The following KIR2DL3 variants were observed in gnomAD, a reference collection of about 807,000 sequenced individuals.
KIR2DL3 encodes killer cell immunoglobulin-like receptor 2DL3.
Under a neutral mutation model 33.8 loss-of-function variants are expected in KIR2DL3, and 39 were observed. That is an observed-to-expected ratio of 1.15 (90% CI 0.89 to 1.51). KIR2DL3 has a LOEUF of 1.51. Among genes scored for constraint, KIR2DL3 ranks in the 40% most tolerant of loss-of-function variants. The probability of loss-of-function intolerance (pLI) is 0.00; values close to 1 mark genes in which losing one functional copy is unlikely to be tolerated. For synonymous variants in KIR2DL3, 174 were observed against 160.2 expected (o/e 1.09, Z -0.65); for missense variants, 462 against 426.2 (o/e 1.08, Z -0.74).
Position 54,752,590 on chromosome 19 carries a change from C to T in KIR2DL3, c.*71C>T. 2.1e-6 allele frequency: 3 copies of T among 1,448,082 alleles called. No individual in the cohort carries two copies. 89.7% of individuals were successfully genotyped at this position (1,448,082 alleles called of 1,614,324 possible). On this transcript the variant is annotated 3_prime_UTR_variant, in exon 8 of 8. Transcript: ENST00000342376. The stretch of plus-strand genomic sequence containing the variant: ...GGGATCTTCTAGGGAGACAACAGCC[C>T]TGTCTCAAAACTGGGTTGCCAGCTC...
At chr19:54,741,526 G>C (rs1441600409) in intron 2 of KIR2DL3, among the ~76,000 whole-genome samples, 1 of 152,092 alleles carries the variant, frequency 6.6e-6, no homozygotes, top group African/African-American at 2.4e-5. Flanking sequence ...GGCATGGCAA[G>C]AGTGGCTCCC....
At chr19:54,744,954 A>ATATATTTT (rs1398407460) in intron 4 of KIR2DL3, among the ~76,000 whole-genome samples, 1 of 31,282 alleles carries the variant, frequency 3.2e-5, no homozygotes, top group Non-Finnish European at 6.0e-5. Context: ...ATATATATAT[A>ATATATTTT]TTTTTTTTTT....
rs1199887540 is a variant in KIR2DL3, at chr19:54,744,674, G to A, written c.664+586G>A. Among the ~76,000 whole-genome samples the A allele has an allele frequency of 2.1e-4, 31 of 149,978 alleles. No individual in the cohort carries two copies. In the East Asian group the frequency reaches 2.7e-3, roughly 13 times the overall value. ...CCTGAGTAGCTGGTGCTACAGGCGC[G>A]CACCACCACGCCAGGCTACTTTTTG... On this transcript the variant is annotated intron_variant, in intron 4 of 7. Transcript: ENST00000342376.
rs1316459880 is a variant in KIR2DL3, at chr19:54,742,377, T to C, written c.370+98T>C. Reference sequence around the variant, plus strand: ...AGTTGTAAGGAAGATGAGCTTGGTATTCTTATGGAGAGAGACTGACTTGCT... The same window carrying C: ...AGTTGTAAGGAAGATGAGCTTGGTACTCTTATGGAGAGAGACTGACTTGCT... On this transcript the variant is annotated intron_variant, in intron 3 of 7. Coordinates refer to ENST00000342376, the MANE Select transcript of KIR2DL3 (RefSeq NM_015868.3). 3 of 1,517,972 alleles carry C rather than the reference T, an allele frequency of 2.0e-6. No homozygotes were observed. The Admixed American group carries it at 5.2e-5, about 26-fold the overall frequency. The allele number at this position is 1,517,972 out of a possible 1,614,324, so 94.0% of individuals were successfully genotyped here. A position where few individuals can be genotyped will look rare whatever the true frequency, so the allele number is the denominator to read the frequency against.
chr19:54,744,934 A>G (rs375174336), intron 4 of KIR2DL3, among the ~76,000 whole-genome samples: 1,323 of 23,242 alleles, frequency 0.057, 48 homozygotes, highest in African/African-American at 0.15. Flanking sequence ...ATATATATAT[A>G]TATATATATA....
intron 2 of KIR2DL3, among the ~76,000 whole-genome samples, chr19:54,740,250 G>A (rs1245903482): frequency 1.3e-5 from 2 of 151,956 alleles, no homozygotes; most frequent in Non-Finnish European, 1.5e-5. Flanking sequence ...TCTCTAAGGC[G>A]GCGCCTCCTT....
Position 54,742,189 on chromosome 19 carries a change from C to A in KIR2DL3, c.280C>A (p.Leu94Ile). Residue 94 changes from leucine to isoleucine, a missense_variant, in exon 3 of 8, where the codon CTT becomes ATT. Leu to Ile is a conservative substitution (Grantham distance 5). Transcript: ENST00000342376. ...CTCCATCGGTCCCATGATGCAAGAC[C>A]TTGCAGGGACCTACAGATGCTACGG... The part of the protein sequence containing the change: ...NFSIGPMMQD[L>I]AGTYRCYGSV... 3.7e-6 allele frequency: 6 copies of A among 1,614,178 alleles called. No homozygotes were observed. The highest frequency in any genetic ancestry group is 2.5e-6 in the Non-Finnish European group (3 of 1,180,030).
chr19:54,742,110 G>C lies in KIR2DL3; in HGVS notation c.201G>C (p.Lys67Asn), dbSNP rs145638569. 3.2e-4 allele frequency: 510 copies of C among 1,613,238 alleles called. 1 individual carries two copies. The highest frequency in any genetic ancestry group is 3.4e-4 in the Non-Finnish European group (402 of 1,179,710). Reference protein sequence around the residue: ...HFLLHREGKFKDTLHLIGEHH... With the variant: ...HFLLHREGKFNDTLHLIGEHH... ...TTCTGCACAGAGAAGGGAAGTTTAA[G>C]GACACTTTGCACCTCATTGGAGAGC... is the stretch of plus-strand genomic sequence containing the variant. Residue 67 changes from lysine to asparagine, a missense_variant, in exon 3 of 8, where the codon AAG becomes AAC. Lys to Asn is a moderately conservative substitution (Grantham distance 94, BLOSUM62 0). Transcript: ENST00000342376.
Position 54,751,676 on chromosome 19 carries a change from T to C in KIR2DL3, c.743T>C (p.Ile248Thr), listed in dbSNP as rs755259447. The change falls in exon 6 of 8, where the codon ATT becomes ACT. Residue 248 changes from isoleucine (I) to threonine (T), a missense_variant. By Grantham distance (89) the Ile-to-Thr change is moderately conservative. Transcript: ENST00000342376. ...AACCCCAGACACCTGCATGTTCTGA[T>C]TGGGACCTCAGTGGTCATCATCCTC... ...TGNPRHLHVL[I>T]GTSVVIILFI... 5 of 1,490,820 alleles carry C rather than the reference T, an allele frequency of 3.4e-6. 1 individual carries two copies. Among genetic ancestry groups the C allele is most frequent in the Admixed American group, 3.6e-5 (2 of 55,116 alleles). 92.3% of individuals were successfully genotyped at this position (1,490,820 alleles called of 1,614,324 possible). A position where few individuals can be genotyped will look rare whatever the true frequency, so the allele number is the denominator to read the frequency against.
chr19:54,739,741 CTG>C (rs1001764145), intron 2 of KIR2DL3, among the ~76,000 whole-genome samples, 199 bp downstream of exon 2: 5 of 150,782 alleles, frequency 3.3e-5, no homozygotes, highest in African/African-American at 1.2e-4. Context: ...CAGGGTTAGA[CTG>C]GGGTGCTCAA....
Position 54,747,401 on chromosome 19 carries a change from T to A in KIR2DL3, c.715+16T>A. ...TCCGAAACCGGTGAGTACAGAACCCTCTTATATCCGCTTTTGGAAACCTGG... is the reference window on the plus strand; with the variant it reads ...TCCGAAACCGGTGAGTACAGAACCCACTTATATCCGCTTTTGGAAACCTGG... On this transcript the variant is annotated intron_variant, in intron 5 of 7. Coordinates refer to ENST00000342376, the MANE Select transcript of KIR2DL3 (RefSeq NM_015868.3). 6.2e-7 allele frequency: 1 copy of A among 1,609,424 alleles called. No homozygotes were observed. The highest frequency in any genetic ancestry group is 8.5e-7 in the Non-Finnish European group (1 of 1,176,128).
At chr19:54,741,346 T>A (rs1290121319) in intron 2 of KIR2DL3, among the ~76,000 whole-genome samples, 7 of 150,246 alleles carry the variant, frequency 4.7e-5, no homozygotes, top group Admixed American at 1.3e-4. Context: ...TCTCCATAAT[T>A]AATTAATTAA....
rs545366427 is a variant in KIR2DL3 at position 54,747,799 on chromosome 19, T to C, written c.715+414T>C. Reference sequence around the variant, plus strand: ...ATTACTGTTGGTCATGAAGCAACCCTGGCTGACTCAGCAGAGCAACAGCCT... The same window carrying C: ...ATTACTGTTGGTCATGAAGCAACCCCGGCTGACTCAGCAGAGCAACAGCCT... On this transcript the variant is annotated intron_variant, in intron 5 of 7. Coordinates refer to ENST00000342376, the MANE Select transcript of KIR2DL3 (RefSeq NM_015868.3). 3.3e-5 allele frequency among the ~76,000 whole-genome samples: 5 copies of C among 152,286 alleles called. No individual in the cohort carries two copies. The South Asian group carries it at 8.3e-4, about 25-fold the overall frequency.
At chr19:54,741,570 G>GT (rs1377240507) in intron 2 of KIR2DL3, among the ~76,000 whole-genome samples, 10 of 151,906 alleles carry the variant, frequency 6.6e-5, no homozygotes, top group African/African-American at 2.2e-4. Context: ...GTGGACACTG[G>GT]TGCCTGCCTT....
intron 4 of KIR2DL3, among the ~76,000 whole-genome samples, chr19:54,745,010 G>C (rs1423755490): frequency 5.3e-5 from 7 of 131,584 alleles, no homozygotes; most frequent in African/African-American, 2.0e-4. Context: ...GCCTCTGGAA[G>C]CCACCATTCT....
intron 4 of KIR2DL3, among the ~76,000 whole-genome samples, chr19:54,745,512 G>A (rs548295975): frequency 0.014 from 2,129 of 150,556 alleles, 60 homozygotes; most frequent in African/African-American, 0.049. Flanking sequence ...ACAGGTGCAC[G>A]CCACCATGCC....
chr19:54,752,098 G>A, intron 6 of KIR2DL3, 118 bp from the exon 7 acceptor site: 1 of 1,151,548 alleles, frequency 8.7e-7, no homozygotes, highest in Non-Finnish European at 1.2e-6. Flanking sequence ...TGAGTCTGCT[G>A]TTGGCAACTG....
chr19:54,739,679 C>A, intron 2 of KIR2DL3, 137 bp downstream of exon 2: 2 of 1,432,358 alleles, frequency 1.4e-6, no homozygotes, highest in South Asian at 2.4e-5. Flanking sequence ...ACATTTCTGA[C>A]CTCGCCTCCC....
At chr19:54,744,255 T>G (rs2071818200) in intron 4 of KIR2DL3, among the ~76,000 whole-genome samples, 167 bp downstream of exon 4, 1 of 152,044 alleles carries the variant, frequency 6.6e-6, no homozygotes, top group African/African-American at 2.4e-5. Context: ...CTCCAAACCC[T>G]CCTACACGGC....
Sources: gnomAD v4.1 joint callset for allele counts (sites outside exome capture counted in the v4.1 genomes callset) on GRCh38, gnomAD v4.1.1 for gene constraint, MANE v1.5 for transcripts, NCBI Gene and HGNC (gene_info 2026-07-23, HGNC 2026-07-21) for gene names.